OSBPL6: variants seen among roughly 807,000 people sequenced by gnomAD.
OSBPL6 encodes oxysterol binding protein like 6, also known as oxysterol-binding protein-related protein 6.
In OSBPL6, 49 loss-of-function variants were observed where a neutral mutation model predicts 125.8. That is an observed-to-expected ratio of 0.39 (90% CI 0.31 to 0.49). The LOEUF is 0.49. Ranked by LOEUF, OSBPL6 falls within the 20% of genes least tolerant of loss-of-function variation. The pLI is 0.88. For synonymous variants in OSBPL6, 394 were observed against 391.8 expected (o/e 1.01, Z -0.07); for missense variants, 986 against 1,135.4 (o/e 0.87, Z 1.89).
chr2:178,339,693 A>G lies in OSBPL6; in HGVS notation c.916A>G (p.Lys306Glu), dbSNP rs2154082004. The change falls in exon 11 of 25, where the codon AAG becomes GAG. Residue 306 changes from lysine to glutamate, a missense_variant. Physicochemically the swap from Lys to Glu is moderately conservative, Grantham distance 56. Around this residue, in one of 3 missense-constraint regions of OSBPL6, gnomAD observed 843 missense variants for 997.3 expected, o/e 0.85. Coordinates refer to ENST00000190611, the MANE Select transcript of OSBPL6 (RefSeq NM_032523.4). Reference protein sequence around the residue: ...DMQANCVDISKKDKRVTRRWR... With the variant: ...DMQANCVDISEKDKRVTRRWR... Reference sequence around the variant, plus strand: ...GTAGGCTAACTGTGTAGATATTTCAAAGAAAGACAAGCGGGTCACAAGACG... The same window carrying G: ...GTAGGCTAACTGTGTAGATATTTCAGAGAAAGACAAGCGGGTCACAAGACG... 1 of 1,606,196 alleles carries G rather than the reference A, an allele frequency of 6.2e-7. No individual in the cohort carries two copies.
At position 178,391,270 on chromosome 2, in the gene OSBPL6, G is replaced by T. The variant is rs1695382926; in HGVS notation, c.2446+53G>T. On this transcript the variant is annotated intron_variant, in intron 22 of 24. Transcript: ENST00000190611. ...CAGGAGGGCACTATGGACAACAGAA[G>T]GGAAGAGAACATCAGGTCATCTTAT... 4.0e-6 allele frequency: 6 copies of T among 1,505,586 alleles called. No individual in the cohort carries two copies. The East Asian group carries it at 1.4e-4, about 35-fold the overall frequency. The allele number at this position is 1,505,586 out of a possible 1,614,324, so 93.3% of individuals were successfully genotyped here.
intron 2 of OSBPL6, among the ~76,000 whole-genome samples, chr2:178,303,674 T>C (rs1307241000): frequency 6.6e-6 from 1 of 152,230 alleles, no homozygotes; most frequent in Non-Finnish European, 1.5e-5. Context: ...TCTTCAGCAA[T>C]GTCTCTAACC....
At chr2:178,248,560 A>G (rs1394759009) in intron 1 of OSBPL6, among the ~76,000 whole-genome samples, 1 of 152,060 alleles carries the variant, frequency 6.6e-6, no homozygotes, top group Non-Finnish European at 1.5e-5. Context: ...GAAAACATGG[A>G]TCTGTTTTAT....
chr2:178,375,672 C>T (rs1297049056), intron 15 of OSBPL6, among the ~76,000 whole-genome samples: 1 of 152,184 alleles, frequency 6.6e-6, no homozygotes, highest in East Asian at 1.9e-4. Context: ...ATCCGCCTGC[C>T]TCAGCCTCCC....
intron 1 of OSBPL6, among the ~76,000 whole-genome samples, chr2:178,233,758 A>G (rs140837854): frequency 7.7e-4 from 117 of 152,244 alleles, no homozygotes; most frequent in Non-Finnish European, 1.3e-3. Flanking sequence ...CTATTTTTTG[A>G]GTCTTTAGTG....
At chr2:178,300,837 T>G (rs1226924091) in intron 2 of OSBPL6, among the ~76,000 whole-genome samples, 1 of 152,156 alleles carries the variant, frequency 6.6e-6, no homozygotes. Context: ...GAAATAGAAC[T>G]TTAAAAGGAG....
At chr2:178,300,266 G>A (rs1390836139) in intron 2 of OSBPL6, among the ~76,000 whole-genome samples, 1 of 152,120 alleles carries the variant, frequency 6.6e-6, no homozygotes, top group Non-Finnish European at 1.5e-5. Context: ...ATGGGCAGGG[G>A]GTTCAGATGT....
At chr2:178,223,316 T>G (rs1234525868) in intron 1 of OSBPL6, among the ~76,000 whole-genome samples, 1 of 152,224 alleles carries the variant, frequency 6.6e-6, no homozygotes, top group Non-Finnish European at 1.5e-5. Context: ...CCCTCCTTTG[T>G]GTTTTTCCCA....
At chr2:178,359,737 C>T (rs1023200112) in intron 12 of OSBPL6, among the ~76,000 whole-genome samples, 10 of 152,170 alleles carry the variant, frequency 6.6e-5, no homozygotes, top group Non-Finnish European at 1.3e-4. Context: ...AAAAAGGAAG[C>T]GATCCTGCCA....
intron 4 of OSBPL6, among the ~76,000 whole-genome samples, chr2:178,325,242 G>A (rs924190846): frequency 6.6e-6 from 1 of 152,108 alleles, no homozygotes; most frequent in Non-Finnish European, 1.5e-5. Context: ...TATAAAAATA[G>A]CACTTTATAC....
intron 1 of OSBPL6, among the ~76,000 whole-genome samples, chr2:178,255,084 A>C (rs1461993366): frequency 1.3e-5 from 2 of 152,186 alleles, no homozygotes; most frequent in African/African-American, 4.8e-5. Context: ...TGGGCAGATC[A>C]CCTGAGGTCA....
chr2:178,296,191 T>C (rs1685733724), intron 2 of OSBPL6, among the ~76,000 whole-genome samples: 1 of 152,188 alleles, frequency 6.6e-6, no homozygotes, highest in African/African-American at 2.4e-5. Context: ...CAAGCATAGA[T>C]GAACTCAAGA....
intron 21 of OSBPL6, among the ~76,000 whole-genome samples, chr2:178,390,064 T>C (rs920740707): frequency 2.6e-5 from 4 of 152,196 alleles, no homozygotes; most frequent in Middle Eastern, 3.2e-3. Context: ...GATGTAAATA[T>C]GTACATTTGG....
At chr2:178,197,563 A>G (rs1212014847) in intron 1 of OSBPL6, among the ~76,000 whole-genome samples, 1 of 152,234 alleles carries the variant, frequency 6.6e-6, no homozygotes, top group Admixed American at 6.5e-5. Context: ...TTCCATGCAT[A>G]GATACCTATG....
chr2:178,284,896 G>A (rs1322646554), intron 1 of OSBPL6, 31 bp from the exon 2 acceptor site: 1 of 396,278 alleles, frequency 2.5e-6, no homozygotes, highest in African/African-American at 2.1e-5. Flanking sequence ...TTGTAAAGAT[G>A]TACTATATGA....
In OSBPL6 at chr2:178,349,691, T is replaced by A. The variant is rs76774568; in HGVS notation, c.1153+302T>A. Reference sequence around the variant, plus strand: ...CATTTTTTTCAATGTCTCTCGGTTATCATTTAATACGTATTTATTGGTTCT... The same window carrying A: ...CATTTTTTTCAATGTCTCTCGGTTAACATTTAATACGTATTTATTGGTTCT... On this transcript the variant is annotated intron_variant, in intron 12 of 24. Coordinates refer to ENST00000190611, the MANE Select transcript of OSBPL6 (RefSeq NM_032523.4). Among the ~76,000 whole-genome samples the A allele has an allele frequency of 8.1e-4, 123 of 152,348 alleles. 1 individual carries two copies. Among genetic ancestry groups the A allele is most frequent in the Non-Finnish European group, 1.5e-3 (103 of 68,032 alleles).
Position 178,324,216 on chromosome 2 carries a change from G to A in OSBPL6, c.142G>A (p.Glu48Lys), listed in dbSNP as rs138286651. The change falls in exon 4 of 25, where the codon GAG becomes AAG. Residue 48 changes from glutamate to lysine, a missense_variant. Transcript: ENST00000190611. ...ILERTASSST[E>K]PSVSRQLLEP... is the part of the protein sequence containing the mutation. ...GGAGAGGACTGCTTCCTCTAGCACC[G>A]AGCCCTCTGTAAGTCGGCAATTGCT... 842 of 1,582,500 alleles carry A rather than the reference G, an allele frequency of 5.3e-4. 2 individuals are homozygous for A. Among genetic ancestry groups the A allele is most frequent in the Non-Finnish European group, 6.7e-4 (776 of 1,158,564 alleles).
At chr2:178,366,507 T>C (rs1692842955) in intron 13 of OSBPL6, among the ~76,000 whole-genome samples, 2 of 152,076 alleles carry the variant, frequency 1.3e-5, no homozygotes, top group African/African-American at 4.8e-5. Flanking sequence ...CATCATTTTG[T>C]GCATTACTGA....
chr2:178,401,054 A>G lies in OSBPL6; in HGVS notation c.*5495A>G, dbSNP rs557070931. 12 of 152,258 alleles carry G rather than the reference A, an allele frequency of 7.9e-5. No homozygotes were observed. Among genetic ancestry groups the G allele is most frequent in the Non-Finnish European group, 1.6e-4 (11 of 68,044 alleles). The allele number at this position is 152,258 out of a possible 1,614,324, so 9.4% of individuals were successfully genotyped here. On this transcript the variant is annotated 3_prime_UTR_variant, in exon 25 of 25. Coordinates refer to ENST00000190611, the MANE Select transcript of OSBPL6 (RefSeq NM_032523.4). ...AAACAATCATTTATTTTTTTATGTC[A>G]AAATGTCCAAGTAAATTAATGGATT...
Sources: allele counts gnomAD v4.1 joint callset (sites outside exome capture counted in the v4.1 genomes callset), GRCh38; gene constraint gnomAD v4.1.1; regional missense constraint gnomAD v4.1.1; transcripts MANE v1.5; gene names NCBI Gene and HGNC (gene_info 2026-07-23, HGNC 2026-07-21).